Variants in ERC2 observed in about 807,000 individuals in gnomAD.
ERC2 encodes ELKS/RAB6-interacting/CAST family member 2, also known as ERC protein 2.
ERC2 carries 42 observed loss-of-function variants against 114.8 expected under a neutral mutation model. That is an observed-to-expected ratio of 0.37 (90% CI 0.29 to 0.47). The LOEUF is 0.47. Ranked by LOEUF, ERC2 falls within the 20% of genes least tolerant of loss-of-function variation. ERC2 has a pLI of 0.99. For synonymous variants in ERC2, 454 were observed against 425.5 expected (o/e 1.07, Z -0.82); for missense variants, 939 against 1,150.7 (o/e 0.82, Z 2.66).
At chr3:55,961,520 T>G (rs2068362475) in intron 12 of ERC2, among the ~76,000 whole-genome samples, 1 of 152,192 alleles carries the variant, frequency 6.6e-6, no homozygotes, top group Admixed American at 6.5e-5. Flanking sequence ...AGGCACCCTC[T>G]GTACAGTGAT....
rs143609150 is a variant in ERC2 at position 56,180,725 on chromosome 3, G to A, written c.1075-7205C>T. On this transcript the variant is annotated intron_variant, in intron 3 of 17. Transcript: ENST00000288221. Reference sequence around the variant, plus strand: ...CAAGATGAAAAAGTCCTAGAGATTGGTTGTACAACAATGTAAATATGCTTA... The same window carrying A: ...CAAGATGAAAAAGTCCTAGAGATTGATTGTACAACAATGTAAATATGCTTA... 1.4e-4 allele frequency among the ~76,000 whole-genome samples: 22 copies of A among 152,256 alleles called. No individual in the cohort carries two copies. The East Asian group carries it at 3.5e-3, about 24-fold the overall frequency.
At chr3:55,693,013 C>T (rs2062741763) in intron 16 of ERC2, among the ~76,000 whole-genome samples, 1 of 152,196 alleles carries the variant, frequency 6.6e-6, no homozygotes, top group South Asian at 2.1e-4. Flanking sequence ...TGGAAGTGAA[C>T]ATTCAATGCT....
intron 17 of ERC2, among the ~76,000 whole-genome samples, chr3:55,551,183 T>C (rs1449900348): frequency 6.6e-6 from 1 of 151,736 alleles, no homozygotes; most frequent in African/African-American, 2.4e-5. Flanking sequence ...TATACACACA[T>C]ACATACACAC....
intron 17 of ERC2, among the ~76,000 whole-genome samples, chr3:55,663,304 G>A (rs2061217506): frequency 6.6e-6 from 1 of 152,204 alleles, no homozygotes. Context: ...ACCTGCCAGA[G>A]CAGCCAGTAG....
intron 3 of ERC2, among the ~76,000 whole-genome samples, chr3:56,188,204 A>G (rs2083752762): frequency 6.6e-6 from 1 of 152,176 alleles, no homozygotes; most frequent in Non-Finnish European, 1.5e-5. Flanking sequence ...CCCAGAGTCT[A>G]AAACTGGATT....
chr3:55,526,371 T>A (rs1219077798), intron 17 of ERC2, among the ~76,000 whole-genome samples: 1 of 152,116 alleles, frequency 6.6e-6, no homozygotes, highest in Non-Finnish European at 1.5e-5. Flanking sequence ...GCTGCACTGC[T>A]CCCAATAAAA....
intron 6 of ERC2, among the ~76,000 whole-genome samples, chr3:56,086,502 T>C (rs1362613513): frequency 6.6e-6 from 1 of 151,916 alleles, no homozygotes; most frequent in Non-Finnish European, 1.5e-5. Flanking sequence ...CTTTTTTTTT[T>C]TTTTTAAGAT....
intron 3 of ERC2, among the ~76,000 whole-genome samples, chr3:56,276,208 G>T (rs2053977756): frequency 6.6e-6 from 1 of 152,138 alleles, no homozygotes; most frequent in Admixed American, 6.5e-5. Context: ...TCCAGAAACT[G>T]CCCAGAGTTT....
At chr3:56,243,397 A>G (rs1167753998) in intron 3 of ERC2, among the ~76,000 whole-genome samples, 5 of 152,202 alleles carry the variant, frequency 3.3e-5, no homozygotes, top group African/African-American at 7.2e-5. Context: ...CTGACAAGGG[A>G]AAAAGATCCG....
rs375916209 is a variant in ERC2 at position 56,430,747 on chromosome 3, C to A, written c.657+3604G>T. On this transcript the variant is annotated intron_variant, in intron 2 of 17. Transcript: ENST00000288221. ...AAGGCTGCAGTGAGCCAGTATCGCACCACTGCACTCCAGCCTAGGTGACAG... is the reference window on the plus strand; with the variant it reads ...AAGGCTGCAGTGAGCCAGTATCGCAACACTGCACTCCAGCCTAGGTGACAG... 7.2e-4 allele frequency among the ~76,000 whole-genome samples: 109 copies of A among 152,292 alleles called. 3 individuals are homozygous for A. In the South Asian group the frequency reaches 0.022, roughly 30 times the overall value.
intron 14 of ERC2, among the ~76,000 whole-genome samples, chr3:55,779,814 A>T (rs1485301629): frequency 1.3e-5 from 2 of 152,240 alleles, no homozygotes; most frequent in African/African-American, 4.8e-5. Flanking sequence ...CTTCTTTATC[A>T]GTGGTACACA....
intron 17 of ERC2, among the ~76,000 whole-genome samples, chr3:55,554,438 A>C (rs368353308): frequency 3.9e-5 from 6 of 152,286 alleles, no homozygotes; most frequent in African/African-American, 1.4e-4. Context: ...TGTTGCTTTC[A>C]AGACAGAGGT....
chr3:55,892,167 T>G (rs1368095257), intron 13 of ERC2, among the ~76,000 whole-genome samples: 1 of 152,220 alleles, frequency 6.6e-6, no homozygotes, highest in Non-Finnish European at 1.5e-5. Context: ...AGGCATTTAT[T>G]CTTCTTCTTC....
In ERC2 at chr3:56,465,204, G is replaced by T. The variant is rs1437171510; in HGVS notation, c.-141+3044C>A. On this transcript the variant is annotated intron_variant, in intron 1 of 17. Coordinates refer to ENST00000288221, the MANE Select transcript of ERC2 (RefSeq NM_015576.3). ...ACCTGAGGTCAGGAGTTCAAGACCA[G>T]CCTGGCCAACATGGTGAAACCCAGT... 3.3e-5 allele frequency among the ~76,000 whole-genome samples: 5 copies of T among 152,278 alleles called. No individual in the cohort carries two copies. In the East Asian group the frequency reaches 9.6e-4, roughly 29 times the overall value.
intron 17 of ERC2, among the ~76,000 whole-genome samples, chr3:55,587,392 T>C (rs1043600820): frequency 2.6e-5 from 4 of 152,354 alleles, no homozygotes; most frequent in East Asian, 1.9e-4. Context: ...AATTTATCTA[T>C]GTTAATGTAG....
chr3:56,066,811 T>C (rs577311744), intron 7 of ERC2, among the ~76,000 whole-genome samples: 11 of 152,366 alleles, frequency 7.2e-5, no homozygotes. Flanking sequence ...AAGGAATCTT[T>C]TCCCCATTGC....
chr3:55,965,550 T>C (rs1361148875), intron 12 of ERC2, among the ~76,000 whole-genome samples: 2 of 152,216 alleles, frequency 1.3e-5, no homozygotes, highest in Non-Finnish European at 2.9e-5. Flanking sequence ...ATCATTTTAC[T>C]GCCCATTTCA....
chr3:56,165,094 A>G (rs2082254123), intron 4 of ERC2, among the ~76,000 whole-genome samples: 1 of 152,024 alleles, frequency 6.6e-6, no homozygotes, highest in Admixed American at 6.6e-5. Flanking sequence ...AAAACAGAAC[A>G]TAATAGAAAT....
chr3:56,434,605 C>G lies in ERC2; in HGVS notation c.403G>C (p.Val135Leu). 1 of 1,613,876 alleles carries G rather than the reference C, an allele frequency of 6.2e-7. No homozygotes were observed. Among genetic ancestry groups the G allele is most frequent in the South Asian group, 1.1e-5 (1 of 91,074 alleles). ...CTTACCTGCCTCAACATGGAGGGGACCTGGTGGTGGTGATGATGGGATGAG... is the reference window on the plus strand; with the variant it reads ...CTTACCTGCCTCAACATGGAGGGGAGCTGGTGGTGGTGATGATGGGATGAG... ...TGSSHHHHHQ[V>L]PSMLRQVRDS... Residue 135 changes from valine to leucine, a missense_variant, in exon 2 of 18, where the codon GTC (valine) becomes CTC (leucine). Coordinates refer to ENST00000288221, the MANE Select transcript of ERC2 (RefSeq NM_015576.3).
Sources: gnomAD v4.1 joint callset for allele counts (sites outside exome capture counted in the v4.1 genomes callset) on GRCh38, gnomAD v4.1.1 for gene constraint, MANE v1.5 for transcripts, NCBI Gene and HGNC (gene_info 2026-07-23, HGNC 2026-07-21) for gene names.